Variants in KCNN2 observed in about 807,000 individuals in gnomAD.
KCNN2 encodes the protein potassium calcium-activated channel subfamily N member 2.
Under a neutral mutation model 55.5 loss-of-function variants are expected in KCNN2, and 24 were observed. The ratio of observed to expected loss-of-function variants is 0.43; its 90% CI spans 0.31 to 0.61. KCNN2 has a LOEUF of 0.61. Ranked by LOEUF, KCNN2 falls within the 20% of genes least tolerant of loss-of-function variation. The probability of loss-of-function intolerance (pLI) is 0.08; values close to 1 mark genes in which losing one functional copy is unlikely to be tolerated. For missense variants in KCNN2, 754 were observed against 853.6 expected, an observed-to-expected ratio of 0.88 and a Z score of 1.45; for synonymous variants, 431 against 336.1, an observed-to-expected ratio of 1.28 and a Z score of -3.09.
At chr5:114,398,606 G>A (rs568565457) in intron 2 of KCNN2, among the ~76,000 whole-genome samples, 2 of 152,004 alleles carry the variant, frequency 1.3e-5, no homozygotes, top group East Asian at 3.9e-4. Flanking sequence ...CAGTTTGATA[G>A]GAATAACACT....
intron 2 of KCNN2, among the ~76,000 whole-genome samples, chr5:114,275,015 C>T (rs1755454704): frequency 6.6e-6 from 1 of 152,196 alleles, no homozygotes; most frequent in East Asian, 1.9e-4. Context: ...TCCACTGATA[C>T]CTAGTTTATT....
At chr5:114,251,284 T>C (rs1754854952) in intron 2 of KCNN2, among the ~76,000 whole-genome samples, 2 of 152,246 alleles carry the variant, frequency 1.3e-5, no homozygotes, top group African/African-American at 4.8e-5. Context: ...AATCCTGATC[T>C]GGACTAATGG....
intron 2 of KCNN2, among the ~76,000 whole-genome samples, chr5:114,355,050 T>C (rs1171310533): frequency 1.3e-5 from 2 of 152,216 alleles, no homozygotes; most frequent in African/African-American, 4.8e-5. Flanking sequence ...CATTGTTACA[T>C]TTAATTTAAC....
intron 2 of KCNN2, among the ~76,000 whole-genome samples, chr5:114,347,238 T>C (rs977124053): frequency 6.6e-6 from 1 of 152,216 alleles, no homozygotes; most frequent in Non-Finnish European, 1.5e-5. Flanking sequence ...ATTAATGCTA[T>C]GTTTGCATAG....
rs375745642 is a variant in KCNN2, at chr5:114,232,307, T to C, written c.-185+10742T>C. 2.2e-4 allele frequency among the ~76,000 whole-genome samples: 34 copies of C among 151,436 alleles called. No individual in the cohort carries two copies. The East Asian group carries it at 2.5e-3, about 11-fold the overall frequency. ...CAATTTATAACATTAAATTTAATTCTAAATTAGTGTTATAAAATGTATAAA... is the reference window on the plus strand; with the variant it reads ...CAATTTATAACATTAAATTTAATTCCAAATTAGTGTTATAAAATGTATAAA... On this transcript the variant is annotated intron_variant, in intron 2 of 10. Coordinates refer to the KCNN2 transcript ENST00000512097.
At chr5:114,268,947 G>T (rs150131199) in intron 2 of KCNN2, among the ~76,000 whole-genome samples, 1 of 151,652 alleles carries the variant, frequency 6.6e-6, no homozygotes, top group Admixed American at 6.6e-5. Flanking sequence ...CGGGGGTGGG[G>T]GGGTTCTCTG....
At chr5:114,120,709 C>A (rs776274653) in intron 1 of KCNN2, among the ~76,000 whole-genome samples, 1 of 152,092 alleles carries the variant, frequency 6.6e-6, no homozygotes, top group Non-Finnish European at 1.5e-5. Flanking sequence ...GTGACTAATA[C>A]CTATCTAGGC....
chr5:114,262,134 G>T (rs992613283), intron 2 of KCNN2, among the ~76,000 whole-genome samples: 3 of 152,094 alleles, frequency 2.0e-5, no homozygotes, highest in Non-Finnish European at 4.4e-5. Context: ...TGCTTGTGCC[G>T]ATCTATATTT....
chr5:114,279,424 A>G (rs78221713), intron 2 of KCNN2, among the ~76,000 whole-genome samples: 1 of 152,136 alleles, frequency 6.6e-6, no homozygotes, highest in Non-Finnish European at 1.5e-5. Context: ...TACATTAGGT[A>G]TATCTCCTAA....
chr5:114,352,007 A>G (rs1172937934), intron 2 of KCNN2, among the ~76,000 whole-genome samples: 2 of 151,744 alleles, frequency 1.3e-5, no homozygotes, highest in Non-Finnish European at 3.0e-5. Flanking sequence ...AAAAATTGCT[A>G]TTAATTGTGT....
intron 2 of KCNN2, among the ~76,000 whole-genome samples, chr5:114,338,504 A>T (rs1756961965): frequency 6.6e-6 from 1 of 152,236 alleles, no homozygotes; most frequent in African/African-American, 2.4e-5. Flanking sequence ...CTTTATAGAT[A>T]AAAATGTTGA....
chr5:114,301,831 C>G (rs1756167823), intron 2 of KCNN2, among the ~76,000 whole-genome samples: 1 of 152,114 alleles, frequency 6.6e-6, no homozygotes, highest in African/African-American at 2.4e-5. Context: ...ACTACATTTG[C>G]TTATTTGACT....
chr5:114,162,873 C>T (rs111273044), intron 1 of KCNN2, among the ~76,000 whole-genome samples: 32,324 of 151,952 alleles, frequency 0.21, 3,601 homozygotes, highest in Non-Finnish European at 0.25. Context: ...AGGGTGGGAG[C>T]GACCTGATTT....
intron 1 of KCNN2, among the ~76,000 whole-genome samples, chr5:114,069,198 A>G (rs1325237322): frequency 6.6e-6 from 1 of 152,086 alleles, no homozygotes; most frequent in Non-Finnish European, 1.5e-5. Context: ...GCCTGAGAAG[A>G]CTGAGCAGCC....
intron 2 of KCNN2, among the ~76,000 whole-genome samples, chr5:114,389,184 C>T (rs1758373727): frequency 6.6e-6 from 1 of 152,034 alleles, no homozygotes; most frequent in Non-Finnish European, 1.5e-5. Context: ...TAATTGTTTT[C>T]CTTTAAGCAC....
chr5:114,274,849 C>G (rs2150010005), intron 2 of KCNN2, among the ~76,000 whole-genome samples: 1 of 152,276 alleles, frequency 6.6e-6, no homozygotes, highest in African/African-American at 2.4e-5. Flanking sequence ...CCTGATTGCC[C>G]TGGCCAGAAC....
intron 2 of KCNN2, among the ~76,000 whole-genome samples, chr5:114,248,016 T>G (rs1754781476): frequency 6.6e-6 from 1 of 152,210 alleles, no homozygotes; most frequent in Non-Finnish European, 1.5e-5. Context: ...AGAACAGAAC[T>G]CTAGACTCTT....
chr5:114,387,116 T>C (rs1261902443), intron 2 of KCNN2, among the ~76,000 whole-genome samples: 2 of 152,200 alleles, frequency 1.3e-5, no homozygotes, highest in Non-Finnish European at 2.9e-5. Context: ...AGATACAGCA[T>C]TGAAAAAGAA....
intron 1 of KCNN2, among the ~76,000 whole-genome samples, chr5:114,214,044 C>A (rs556248753): frequency 1.3e-5 from 2 of 152,126 alleles, no homozygotes; most frequent in South Asian, 4.1e-4. Context: ...CAGGTTCTAG[C>A]CCCAATTTAT....
Sources: allele counts gnomAD v4.1 joint callset (sites outside exome capture counted in the v4.1 genomes callset), GRCh38; gene constraint gnomAD v4.1.1; transcripts MANE v1.5; gene names NCBI Gene and HGNC (gene_info 2026-07-23, HGNC 2026-07-21).